The following TSPAN15 variants were observed in gnomAD, a reference collection of about 807,000 sequenced individuals.
TSPAN15 encodes the protein tetraspanin 15, also known as tetraspanin-15.
In TSPAN15, 20 loss-of-function variants were observed where a neutral mutation model predicts 34.5. The observed-to-expected ratio is 0.58, with a 90% CI of 0.41 to 0.84. The LOEUF (loss-of-function observed/expected upper bound fraction) is 0.84, where lower values mean the gene tolerates loss of function less well. Ranked by LOEUF, TSPAN15 falls within the 40% of genes least tolerant of loss-of-function variation. TSPAN15 has a pLI of 0.00. For synonymous variants in TSPAN15, 155 were observed against 153.9 expected, an observed-to-expected ratio of 1.01 and a Z score of -0.05; for missense variants, 313 against 386.1, an observed-to-expected ratio of 0.81 and a Z score of 1.59.
At chr10:69,484,550 A>G (rs1286030068) in intron 2 of TSPAN15, among the ~76,000 whole-genome samples, 6 of 152,138 alleles carry the variant, frequency 3.9e-5, no homozygotes, top group Non-Finnish European at 8.8e-5. Context: ...TCTTGACCTC[A>G]TTGTCTCCCC....
the TSPAN15 span, among the ~76,000 whole-genome samples, chr10:69,515,803 CAT>C: frequency 6.6e-6 from 1 of 152,214 alleles, no homozygotes; most frequent in African/African-American, 2.4e-5. Context: ...GACATGGGGA[CAT>C]GTGGTCGCTA....
chr10:69,525,861 T>C, the TSPAN15 span, among the ~76,000 whole-genome samples: 1 of 143,494 alleles, frequency 7.0e-6, no homozygotes, highest in Non-Finnish European at 1.5e-5. Flanking sequence ...AAAGAAACAC[T>C]GATGATTAAC....
At chr10:69,542,814 T>C in the TSPAN15 span, among the ~76,000 whole-genome samples, 13 of 152,246 alleles carry the variant, frequency 8.5e-5, no homozygotes, top group Non-Finnish European at 1.8e-4. Flanking sequence ...GGAACTATAA[T>C]TCAAGATGAG....
At chr10:69,514,879 C>G in the TSPAN15 span, among the ~76,000 whole-genome samples, 1 of 152,224 alleles carries the variant, frequency 6.6e-6, no homozygotes, top group Non-Finnish European at 1.5e-5. Flanking sequence ...CTCTCCGGCC[C>G]CTGCCCTGTC....
At chr10:69,531,960 A>AT in the TSPAN15 span, among the ~76,000 whole-genome samples, 1 of 151,746 alleles carries the variant, frequency 6.6e-6, no homozygotes, top group Non-Finnish European at 1.5e-5. Context: ...ACAAAAAAAA[A>AT]ACTTAGGAAT....
chr10:69,518,371 C>G, the TSPAN15 span, among the ~76,000 whole-genome samples: 1 of 151,278 alleles, frequency 6.6e-6, no homozygotes, highest in African/African-American at 2.4e-5. Context: ...CCCCCGCCAC[C>G]CCAGAGTAAA....
rs112602665 is a variant in TSPAN15, at chr10:69,504,576, G to T, written c.618+91G>T. The T allele has an allele frequency of 1.2e-3, 1,572 of 1,323,736 alleles. 16 individuals are homozygous for T. The African/African-American group carries it at 0.02, about 17-fold the overall frequency. 82.0% of individuals were successfully genotyped at this position (1,323,736 alleles called of 1,614,324 possible). A position where few individuals can be genotyped will look rare whatever the true frequency, so the allele number is the denominator to read the frequency against. On this transcript the variant is annotated intron_variant, in intron 6 of 7. Transcript: ENST00000373290. ...AGGGGTTTATTGAGGTCGGGGTCCT[G>T]GCCACTGAGATTTTCCCACATTCCT...
the TSPAN15 span, among the ~76,000 whole-genome samples, chr10:69,536,228 T>C: frequency 1.3e-5 from 2 of 152,246 alleles, no homozygotes; most frequent in African/African-American, 4.8e-5. Context: ...CCTCAATTAG[T>C]GAATTAGAGC....
At chr10:69,504,554 G>C in intron 6 of TSPAN15, 69 bp downstream of exon 6, 1 of 1,514,402 alleles carries the variant, frequency 6.6e-7, no homozygotes, top group Non-Finnish European at 9.1e-7. Context: ...TGATCGGAGG[G>C]GTTTATTGAG....
the TSPAN15 span, among the ~76,000 whole-genome samples, chr10:69,547,316 CT>C: frequency 6.6e-6 from 1 of 152,156 alleles, no homozygotes. Flanking sequence ...CACTCCTTGT[CT>C]TTTCATATTT....
At chr10:69,491,363 C>T (rs943333722) in intron 3 of TSPAN15, among the ~76,000 whole-genome samples, 1 of 152,168 alleles carries the variant, frequency 6.6e-6, no homozygotes, top group Non-Finnish European at 1.5e-5. Context: ...CACCTCTCCT[C>T]CAAGTTTTTG....
At chr10:69,498,899 G>A (rs977288541) in intron 5 of TSPAN15, among the ~76,000 whole-genome samples, 10 of 152,148 alleles carry the variant, frequency 6.6e-5, no homozygotes, top group Admixed American at 3.9e-4. Context: ...CTTAGCGGGG[G>A]TAGCTGGCTC....
At chr10:69,464,271 C>T (rs1841333870) in intron 1 of TSPAN15, among the ~76,000 whole-genome samples, 2 of 152,272 alleles carry the variant, frequency 1.3e-5, no homozygotes, top group Middle Eastern at 3.4e-3. Context: ...AAATGCAAGC[C>T]CTTCTGCCTC....
intron 1 of TSPAN15, among the ~76,000 whole-genome samples, chr10:69,454,200 G>GT (rs1418689536): frequency 6.6e-6 from 1 of 152,186 alleles, no homozygotes; most frequent in East Asian, 1.9e-4. Context: ...TGTACCTTCT[G>GT]TAAGACTTTT....
chr10:69,462,455 C>T (rs1368973487), intron 1 of TSPAN15, among the ~76,000 whole-genome samples: 1 of 152,190 alleles, frequency 6.6e-6, no homozygotes, highest in Non-Finnish European at 1.5e-5. Flanking sequence ...CTGCCTCAGC[C>T]TCCTGAGTAG....
At chr10:69,513,464 C>G in the TSPAN15 span, among the ~76,000 whole-genome samples, 1 of 152,128 alleles carries the variant, frequency 6.6e-6, no homozygotes, top group Non-Finnish European at 1.5e-5. Flanking sequence ...ACCTCAGCCT[C>G]CTAAAGTGCT....
At chr10:69,547,318 T>C in the TSPAN15 span, among the ~76,000 whole-genome samples, 1 of 152,224 alleles carries the variant, frequency 6.6e-6, no homozygotes, top group Non-Finnish European at 1.5e-5. Context: ...CTCCTTGTCT[T>C]TTCATATTTA....
chr10:69,547,795 C>A, the TSPAN15 span, among the ~76,000 whole-genome samples: 1 of 152,210 alleles, frequency 6.6e-6, no homozygotes, highest in African/African-American at 2.4e-5. Flanking sequence ...CTCCTCAGGC[C>A]TTCTACCCTG....
At chr10:69,486,969 G>A (rs1841867400) in intron 3 of TSPAN15, among the ~76,000 whole-genome samples, 1 of 152,078 alleles carries the variant, frequency 6.6e-6, no homozygotes, top group African/African-American at 2.4e-5. Context: ...GGCAGATCCA[G>A]CATGCTGGTT....
Sources: gnomAD v4.1 joint callset for allele counts (sites outside exome capture counted in the v4.1 genomes callset) on GRCh38, gnomAD v4.1.1 for gene constraint, MANE v1.5 for transcripts, NCBI Gene and HGNC (gene_info 2026-07-23, HGNC 2026-07-21) for gene names.